ROR2: variants seen among roughly 807,000 people sequenced by gnomAD.
The protein encoded by ROR2 is tyrosine-protein kinase transmembrane receptor ROR2.
A neutral mutation model predicts 74.9 loss-of-function variants in ROR2; 33 were observed. That is an observed-to-expected ratio of 0.44 (90% CI 0.33 to 0.59). The LOEUF is 0.59. Ranked by LOEUF, ROR2 falls within the 20% of genes least tolerant of loss-of-function variation. ROR2 has a pLI of 0.02. For synonymous variants in ROR2, 586 were observed against 558.7 expected (o/e 1.05, Z -0.69); for missense variants, 1,216 against 1,313.8 (o/e 0.93, Z 1.15).
intron 1 of ROR2, among the ~76,000 whole-genome samples, chr9:91,940,351 G>A (rs1486862214): frequency 2.0e-5 from 3 of 152,218 alleles, no homozygotes; most frequent in African/African-American, 7.2e-5. Context: ...CGTGGCAACT[G>A]TTGAAGCTGA....
chr9:91,817,090 T>A (rs1035572883), intron 1 of ROR2, among the ~76,000 whole-genome samples: 12 of 152,182 alleles, frequency 7.9e-5, no homozygotes, highest in African/African-American at 2.7e-4. Flanking sequence ...GAAGCTTCAC[T>A]CGGGGCCTCT....
chr9:91,801,661 T>G (rs183937771), intron 1 of ROR2, among the ~76,000 whole-genome samples: 1 of 152,076 alleles, frequency 6.6e-6, no homozygotes, highest in African/African-American at 2.4e-5. Context: ...ATCTATCTCA[T>G]GCCGGAATCC....
chr9:91,917,771 G>C lies in ROR2; in HGVS notation c.97+32096C>G, dbSNP rs932112950. 2.6e-5 allele frequency among the ~76,000 whole-genome samples: 4 copies of C among 152,326 alleles called. No homozygotes were observed. In the South Asian group the frequency reaches 6.2e-4, roughly 24 times the overall value. On this transcript the variant is annotated intron_variant, in intron 1 of 8. Coordinates refer to ENST00000375708, the MANE Select transcript of ROR2 (RefSeq NM_004560.4). ...GAGAGCATCTGGACAAGTGAGCAAAGCCAGACAGGCCAGCAGGGCACTCCT... is the reference window on the plus strand; with the variant it reads ...GAGAGCATCTGGACAAGTGAGCAAACCCAGACAGGCCAGCAGGGCACTCCT...
At chr9:91,741,304 GTAATAATAA>G (rs149995684) in intron 4 of ROR2, among the ~76,000 whole-genome samples, 7,827 of 135,548 alleles carry the variant, frequency 0.058, 446 homozygotes, top group East Asian at 0.24. Context: ...GTCTCAAGTA[GTAATAATAA>G]TAATAATAAT....
chr9:91,847,530 G>A (rs1409058181), intron 1 of ROR2, among the ~76,000 whole-genome samples: 1 of 152,202 alleles, frequency 6.6e-6, no homozygotes, highest in Admixed American at 6.5e-5. Context: ...ACTTGAGGGC[G>A]CCAGAGGAGG....
intron 1 of ROR2, among the ~76,000 whole-genome samples, chr9:91,783,074 G>C (rs186157217): frequency 3.9e-5 from 6 of 152,228 alleles, no homozygotes; most frequent in African/African-American, 1.4e-4. Context: ...CTCCTTGCTG[G>C]CAGACCATGG....
intron 7 of ROR2, among the ~76,000 whole-genome samples, chr9:91,728,694 G>C (rs899461926): frequency 6.6e-6 from 1 of 152,174 alleles, no homozygotes; most frequent in African/African-American, 2.4e-5. Flanking sequence ...GCCTCCCAAA[G>C]TGCTGGGATT....
intron 1 of ROR2, chr9:91,883,393 A>G (rs1830175355): frequency 6.6e-6 from 1 of 152,222 alleles, no homozygotes; most frequent in Admixed American, 6.5e-5. Context: ...ACTGTTTTGT[A>G]CGGATGATAT....
At chr9:91,846,926 T>C (rs1202891225) in intron 1 of ROR2, among the ~76,000 whole-genome samples, 1 of 152,136 alleles carries the variant, frequency 6.6e-6, no homozygotes, top group Non-Finnish European at 1.5e-5. Context: ...AAAGCGGCTA[T>C]AGACATGTTT....
chr9:91,882,117 C>A (rs780777562), intron 1 of ROR2, among the ~76,000 whole-genome samples: 23 of 151,972 alleles, frequency 1.5e-4, no homozygotes, highest in Non-Finnish European at 2.8e-4. Context: ...GTCTATAGAA[C>A]TAGCCTATGA....
chr9:91,747,139 C>A (rs1274559214), intron 4 of ROR2, among the ~76,000 whole-genome samples: 1 of 152,230 alleles, frequency 6.6e-6, no homozygotes, highest in Non-Finnish European at 1.5e-5. Context: ...TCTCCAAGCA[C>A]GACCAACACT....
chr9:91,792,480 T>C (rs1234690123), intron 1 of ROR2, among the ~76,000 whole-genome samples: 1 of 152,142 alleles, frequency 6.6e-6, no homozygotes, highest in African/African-American at 2.4e-5. Context: ...AGCTAATTTT[T>C]TGTACTTTTA....
chr9:91,737,953 T>C (rs1162953686), intron 4 of ROR2, among the ~76,000 whole-genome samples: 1 of 152,112 alleles, frequency 6.6e-6, no homozygotes, highest in Admixed American at 6.5e-5. Context: ...AGCAAAACTA[T>C]AGAGACTGGT....
intron 1 of ROR2, among the ~76,000 whole-genome samples, chr9:91,934,111 G>C (rs1029104525): frequency 3.9e-5 from 6 of 152,192 alleles, no homozygotes; most frequent in African/African-American, 1.2e-4. Flanking sequence ...ATGGATGCGG[G>C]GGGGCGAGTG....
At chr9:91,864,172 T>C (rs890420747) in intron 1 of ROR2, among the ~76,000 whole-genome samples, 1 of 152,192 alleles carries the variant, frequency 6.6e-6, no homozygotes, top group Non-Finnish European at 1.5e-5. Flanking sequence ...CACCTCTGTG[T>C]TCCCCGAATT....
intron 1 of ROR2, among the ~76,000 whole-genome samples, chr9:91,800,453 A>G (rs556067646): frequency 5.2e-4 from 79 of 152,260 alleles, no homozygotes; most frequent in Non-Finnish European, 9.0e-4. Context: ...CGATGGGAAC[A>G]TGACAGTTGC....
At chr9:91,816,034 T>A (rs1827919013) in intron 1 of ROR2, among the ~76,000 whole-genome samples, 1 of 152,152 alleles carries the variant, frequency 6.6e-6, no homozygotes, top group African/African-American at 2.4e-5. Context: ...CAGCCTCACC[T>A]TCTACCCAGT....
intron 1 of ROR2, among the ~76,000 whole-genome samples, chr9:91,894,394 A>G (rs536088558): frequency 1.1e-4 from 16 of 152,326 alleles, no homozygotes; most frequent in Middle Eastern, 3.4e-3. Flanking sequence ...GGAGAAAAAC[A>G]TAATGAGCTT....
At chr9:91,841,569 G>A (rs1240589371) in intron 1 of ROR2, among the ~76,000 whole-genome samples, 1 of 152,248 alleles carries the variant, frequency 6.6e-6, no homozygotes, top group East Asian at 1.9e-4. Flanking sequence ...CAGGTGGTTT[G>A]CAAATGGGTG....
Sources: allele counts gnomAD v4.1 joint callset (sites outside exome capture counted in the v4.1 genomes callset), GRCh38; gene constraint gnomAD v4.1.1; transcripts MANE v1.5; gene names NCBI Gene and HGNC (gene_info 2026-07-23, HGNC 2026-07-21).